The following SYN3 variants were observed in gnomAD, a reference collection of about 807,000 sequenced individuals.
SYN3 encodes synapsin III, also known as synapsin-3.
Under a neutral mutation model 65.8 loss-of-function variants are expected in SYN3, and 35 were observed. The observed-to-expected ratio is 0.53, with a 90% CI of 0.41 to 0.70. The LOEUF is 0.70. SYN3 is among the 30% of genes least tolerant of loss of function. The pLI is 0.00. For missense variants in SYN3, 680 were observed against 749.0 expected, an observed-to-expected ratio of 0.91 and a Z score of 1.08; for synonymous variants, 270 against 292.9, an observed-to-expected ratio of 0.92 and a Z score of 0.80.
chr22:33,046,795 AC>A (rs1350635147), intron 1 of SYN3, among the ~76,000 whole-genome samples: 1 of 146,978 alleles, frequency 6.8e-6, no homozygotes, highest in Admixed American at 7.0e-5. Flanking sequence ...GTGAGGTGAG[AC>A]CACACCACTG....
chr22:32,769,077 G>A (rs1444547033), intron 6 of SYN3, among the ~76,000 whole-genome samples: 1 of 151,914 alleles, frequency 6.6e-6, no homozygotes, highest in African/African-American at 2.4e-5. Flanking sequence ...CTCTTTCTCC[G>A]GCATCCACTT....
chr22:32,988,882 C>A (rs2052613702), intron 2 of SYN3, among the ~76,000 whole-genome samples: 3 of 152,160 alleles, frequency 2.0e-5, no homozygotes, highest in Admixed American at 6.5e-5. Context: ...CTTTAATGTA[C>A]AACAGGCACA....
chr22:32,593,907 A>G (rs1306608242), intron 7 of SYN3, among the ~76,000 whole-genome samples: 5 of 152,082 alleles, frequency 3.3e-5, no homozygotes, highest in African/African-American at 1.2e-4. Context: ...GTGGCAAGAG[A>G]CAGAGAGGAG....
intron 6 of SYN3, among the ~76,000 whole-genome samples, chr22:32,691,836 T>C (rs2060665024): frequency 6.6e-6 from 1 of 151,994 alleles, no homozygotes; most frequent in South Asian, 2.1e-4. Flanking sequence ...GGGCAGAGTC[T>C]AGAAGACACC....
At chr22:32,933,133 C>T (rs940743590) in intron 3 of SYN3, among the ~76,000 whole-genome samples, 20 of 152,312 alleles carry the variant, frequency 1.3e-4, no homozygotes, top group Admixed American at 8.5e-4. Flanking sequence ...GACAAGTCAA[C>T]CTATAATGCT....
chr22:32,778,600 AT>A (rs1317593920), intron 6 of SYN3, among the ~76,000 whole-genome samples: 1 of 152,016 alleles, frequency 6.6e-6, no homozygotes, highest in Non-Finnish European at 1.5e-5. Context: ...CCAAGACTGC[AT>A]TTTTTTAATC....
intron 1 of SYN3, among the ~76,000 whole-genome samples, chr22:33,032,129 G>C (rs145143141): frequency 1.8e-4 from 27 of 151,942 alleles, no homozygotes; most frequent in Non-Finnish European, 3.7e-4. Flanking sequence ...AGAACTGCTT[G>C]AACTTGAGAG....
At chr22:32,752,431 G>A (rs1405862330) in intron 6 of SYN3, among the ~76,000 whole-genome samples, 2 of 152,212 alleles carry the variant, frequency 1.3e-5, no homozygotes, top group Admixed American at 1.3e-4. Flanking sequence ...GAGCTGGCCT[G>A]CCTCTGGCCC....
At position 32,513,451 on chromosome 22, in the gene SYN3, C is replaced by G. The variant is rs568276795; in HGVS notation, c.*241G>C. ...GAGGGTGTGATGCCCATCGCTCAGG[C>G]CTGTTTTGAGGAACCTGGAGGCTCT... On this transcript the variant is annotated 3_prime_UTR_variant, in exon 14 of 14. Coordinates refer to ENST00000358763, the MANE Select transcript of SYN3 (RefSeq NM_003490.4). 1.5e-5 allele frequency: 7 copies of G among 453,004 alleles called. No individual in the cohort carries two copies. The highest frequency in any genetic ancestry group is 2.3e-5 in the Non-Finnish European group (6 of 258,548). The allele number at this position is 453,004 out of a possible 1,614,324, so 28.1% of individuals were successfully genotyped here.
chr22:32,941,411 T>C (rs1254711801), intron 3 of SYN3, among the ~76,000 whole-genome samples: 1 of 152,248 alleles, frequency 6.6e-6, no homozygotes, highest in Non-Finnish European at 1.5e-5. Context: ...CTCATTTGTA[T>C]TATTTTTTGC....
At chr22:32,689,748 T>C (rs2060637609) in intron 6 of SYN3, among the ~76,000 whole-genome samples, 1 of 152,082 alleles carries the variant, frequency 6.6e-6, no homozygotes, top group Non-Finnish European at 1.5e-5. Context: ...ATGGACTGAA[T>C]GTTTATGCCC....
At chr22:32,911,469 A>G (rs1407378905) in intron 4 of SYN3, among the ~76,000 whole-genome samples, 1 of 152,062 alleles carries the variant, frequency 6.6e-6, no homozygotes, top group African/African-American at 2.4e-5. Context: ...TTTGGTGGAG[A>G]GAGAATAAAC....
intron 4 of SYN3, among the ~76,000 whole-genome samples, chr22:32,889,186 G>T (rs1405502740): frequency 6.6e-6 from 1 of 152,208 alleles, no homozygotes; most frequent in African/African-American, 2.4e-5. Context: ...ATGTGCAAAA[G>T]GAGTGTAGGG....
At chr22:32,628,879 A>G (rs2146803099) in intron 6 of SYN3, among the ~76,000 whole-genome samples, 1 of 152,294 alleles carries the variant, frequency 6.6e-6, no homozygotes, top group South Asian at 2.1e-4. Context: ...TTGTAACTGA[A>G]AAGTGGGGGC....
chr22:32,975,001 C>T lies in SYN3; in HGVS notation c.369+5644G>A, dbSNP rs578226417. ...TGGAGCCACGATCTTAACCCCTACACCGCATTTCCTCCCACACATATTAAG... is the reference window on the plus strand; with the variant it reads ...TGGAGCCACGATCTTAACCCCTACATCGCATTTCCTCCCACACATATTAAG... On this transcript the variant is annotated intron_variant, in intron 3 of 13. Coordinates refer to ENST00000358763, the MANE Select transcript of SYN3 (RefSeq NM_003490.4). Among the ~76,000 whole-genome samples the T allele has an allele frequency of 5.9e-5, 9 of 152,324 alleles. No homozygotes were observed. The South Asian group carries it at 1.7e-3, about 28-fold the overall frequency.
chr22:32,964,400 C>G (rs1009138025), intron 3 of SYN3, among the ~76,000 whole-genome samples: 2 of 142,314 alleles, frequency 1.4e-5, no homozygotes, highest in African/African-American at 5.3e-5. Flanking sequence ...GCACATGTAC[C>G]CTAAAACTTA....
chr22:32,551,196 C>T (rs1471798185), intron 7 of SYN3, among the ~76,000 whole-genome samples: 2 of 152,102 alleles, frequency 1.3e-5, no homozygotes, highest in Admixed American at 6.5e-5. Flanking sequence ...TGATCAATGC[C>T]AAGGCCACTG....
At chr22:32,918,638 C>T (rs996298753) in intron 4 of SYN3, among the ~76,000 whole-genome samples, 4 of 152,170 alleles carry the variant, frequency 2.6e-5, no homozygotes, top group African/African-American at 7.2e-5. Context: ...GCGGACAGCA[C>T]GGTCTGGCAG....
At chr22:32,554,671 T>C (rs1331946182) in intron 7 of SYN3, among the ~76,000 whole-genome samples, 4 of 152,142 alleles carry the variant, frequency 2.6e-5, no homozygotes, top group Non-Finnish European at 5.9e-5. Flanking sequence ...GGTCCAACCC[T>C]AGCCAATAGG....
Sources: gnomAD v4.1 joint callset for allele counts (sites outside exome capture counted in the v4.1 genomes callset) on GRCh38, gnomAD v4.1.1 for gene constraint, MANE v1.5 for transcripts, NCBI Gene and HGNC (gene_info 2026-07-23, HGNC 2026-07-21) for gene names.